Variants in RINL observed in about 807,000 individuals in gnomAD.
RINL encodes the protein ras and Rab interactor-like protein.
Under a neutral mutation model 58.1 loss-of-function variants are expected in RINL, and 39 were observed. The observed-to-expected ratio is 0.67, with a 90% CI of 0.52 to 0.88. The LOEUF (loss-of-function observed/expected upper bound fraction) is 0.88, where lower values mean the gene tolerates loss of function less well. Ranked by LOEUF, RINL falls within the 40% of genes least tolerant of loss-of-function variation. RINL has a pLI of 0.00. For missense variants in RINL, 711 were observed against 749.2 expected, an observed-to-expected ratio of 0.95 and a Z score of 0.60; for synonymous variants, 286 against 323.1, an observed-to-expected ratio of 0.89 and a Z score of 1.23.
chr19:38,870,121 C>A lies in RINL; in HGVS notation c.1164G>T (p.Gly388=). Residue 388 remains glycine (G), a synonymous_variant, in exon 9 of 12, where the codon GGG becomes GGT. Coordinates refer to ENST00000591812, the MANE Select transcript of RINL (RefSeq NM_001195833.2). The surrounding 1 kb of genome is among the most constrained non-coding windows in gnomAD (Gnocchi z 5.8). ...GTCCCGGCCCCTGTGCCCCCGGAGG[C>A]CCCGCCCCCGCCCGCAGGGCTGTCT... is the stretch of plus-strand genomic sequence containing the variant. ...RRQTALRAGA[G]PPGAQGPGPE... 7.0e-7 allele frequency: 1 copy of A among 1,421,756 alleles called. No homozygotes were observed. The highest frequency in any genetic ancestry group is 9.1e-7 in the Non-Finnish European group (1 of 1,098,486). 88.1% of individuals were successfully genotyped at this position (1,421,756 alleles called of 1,614,324 possible).
intron 1 of RINL, 90 bp from the exon 2 acceptor site, chr19:38,876,871 A>G: frequency 1.4e-6 from 1 of 734,530 alleles, no homozygotes. Flanking sequence ...GACCCTGACC[A>G]ATCAGAATGG....
intron 6 of RINL, 98 bp downstream of exon 6, chr19:38,871,549 C>T (rs1351922777): frequency 2.6e-6 from 3 of 1,167,702 alleles, no homozygotes; most frequent in South Asian, 1.4e-5. Flanking sequence ...CTATATTCTC[C>T]TCAAACCCAG....
rs1972784958 is a variant in RINL, at chr19:38,870,606, T to G, written c.988A>C (p.Arg330=). 6.2e-7 allele frequency: 1 copy of G among 1,602,502 alleles called. No homozygotes were observed. Among genetic ancestry groups the G allele is most frequent in the Non-Finnish European group, 8.5e-7 (1 of 1,173,740 alleles). Residue 330 remains arginine, a synonymous_variant, in exon 8 of 12, where the codon AGG becomes CGG. Coordinates refer to ENST00000591812, the MANE Select transcript of RINL (RefSeq NM_001195833.2). This position sits in a 1 kb window ranked among gnomAD's most constrained non-coding sequence, Gnocchi z 5.8. ...TCCTTCTTGGGGAGCCCAGGACCCC[T>G]GCTTCCAAAGACAGCCCTGATGTAG... ...DSYIRAVFGS[R]GPGLPKKDED...
rs770691127 is a variant in RINL, at chr19:38,871,672, A to G, written c.426T>C (p.Thr142=). The change falls in exon 6 of 12, where the codon ACT becomes ACC. Residue 142 remains threonine, a synonymous_variant. Coordinates refer to ENST00000591812, the MANE Select transcript of RINL (RefSeq NM_001195833.2). The part of the protein sequence containing the change: ...LPRTLLLPPP[T]LGPRDEHTDP... ...CTGTGTGTTCATCTCTGGGCCCTAG[A>G]GTGGGAGGGGGCAAGAGCAGGGTTC... 2 of 1,614,030 alleles carry G rather than the reference A, an allele frequency of 1.2e-6. No homozygotes were observed. The highest frequency in any genetic ancestry group is 1.1e-5 in the South Asian group (1 of 91,074).
At position 38,869,043 on chromosome 19, in the gene RINL, C is replaced by T; in HGVS notation, c.*61G>A. The T allele has an allele frequency of 1.4e-6, 2 of 1,461,302 alleles. No individual in the cohort carries two copies. 90.5% of individuals were successfully genotyped at this position (1,461,302 alleles called of 1,614,324 possible). On this transcript the variant is annotated 3_prime_UTR_variant, in exon 12 of 12. Transcript: ENST00000591812. The surrounding 1 kb of genome is among the most constrained non-coding windows in gnomAD (Gnocchi z 5.7). Reference sequence around the variant, plus strand: ...CTCAAACTCCTGGGCTCAAGCAATCCTCCCACCTTGGCCTCCCAAAATGTT... The same window carrying T: ...CTCAAACTCCTGGGCTCAAGCAATCTTCCCACCTTGGCCTCCCAAAATGTT...
In RINL at chr19:38,876,473, A is replaced by G; in HGVS notation, c.68T>C (p.Val23Ala). The G allele has an allele frequency of 2.0e-6, 3 of 1,535,894 alleles. No individual in the cohort carries two copies. The highest frequency in any genetic ancestry group is 2.6e-6 in the Non-Finnish European group (3 of 1,146,792). Residue 23 changes from valine (V) to alanine (A), a missense_variant, in exon 3 of 12, where the codon GTG (valine) becomes GCG (alanine). Val to Ala is a moderately conservative substitution (Grantham distance 64). Coordinates refer to ENST00000591812, the MANE Select transcript of RINL (RefSeq NM_001195833.2). ...TAGAGGGGTCCTGTCTGCTTTGTTC[A>G]CCTGTGGTGGGACCAGCCTGGGATG... Reference protein sequence around the residue: ...TEGVRLVPPQVNKADRTPLGV... With the variant: ...TEGVRLVPPQANKADRTPLGV...
In RINL at chr19:38,870,180, G is replaced by C; in HGVS notation, c.1105C>G (p.Arg369Gly). 1.4e-6 allele frequency: 2 copies of C among 1,394,664 alleles called. No individual in the cohort carries two copies. The highest frequency in any genetic ancestry group is 1.5e-5 in the African/African-American group (1 of 65,746). 86.4% of individuals were successfully genotyped at this position (1,394,664 alleles called of 1,614,324 possible). A position where few individuals can be genotyped will look rare whatever the true frequency, so the allele number is the denominator to read the frequency against. ...CGCAGCCGCCGCAGCTCCGGTGCTC[G>C]GAGTGTGCGGAGTCGTGTCCACAGG... ...PALWTRLRTL[R>G]APELRRLRRR... Residue 369 changes from arginine (R) to glycine (G), a missense_variant, in exon 9 of 12, where the codon CGA becomes GGA. Physicochemically the swap from Arg to Gly is moderately radical, Grantham distance 125. Transcript: ENST00000591812. This position sits in a 1 kb window ranked among gnomAD's most constrained non-coding sequence, Gnocchi z 5.8.
chr19:38,870,399 A>G lies in RINL; in HGVS notation c.1025-139T>C. On this transcript the variant is annotated intron_variant, in intron 8 of 11. Coordinates refer to ENST00000591812, the MANE Select transcript of RINL (RefSeq NM_001195833.2). This position sits in a 1 kb window ranked among gnomAD's most constrained non-coding sequence, Gnocchi z 5.8. ...CGTGAGTGTAGACATGGTTGTGAAC[A>G]TGTGTGGAAGAGTTAGCCTGGGTGT... is the stretch of plus-strand genomic sequence containing the variant. The G allele has an allele frequency of 2.0e-6, 2 of 1,024,652 alleles. No homozygotes were observed. The highest frequency in any genetic ancestry group is 2.7e-6 in the Non-Finnish European group (2 of 731,322). 63.5% of individuals were successfully genotyped at this position (1,024,652 alleles called of 1,614,324 possible). A position where few individuals can be genotyped will look rare whatever the true frequency, so the allele number is the denominator to read the frequency against.
At chr19:38,873,328 A>G (rs1234270032) in intron 4 of RINL, among the ~76,000 whole-genome samples, 1 of 152,226 alleles carries the variant, frequency 6.6e-6, no homozygotes, top group Non-Finnish European at 1.5e-5. Context: ...TACATCACAC[A>G]GCACCTTATA....
chr19:38,869,607 C>T lies in RINL; in HGVS notation c.1440G>A (p.Met480Ile). ...GCAGCTCATCTGGATCTAAGAGCTCCATAAGAAACTCTACGTCCAGCTGCG... is the reference window on the plus strand; with the variant it reads ...GCAGCTCATCTGGATCTAAGAGCTCTATAAGAAACTCTACGTCCAGCTGCG... ...GDTQLDVEFLMELLDPDELRG... is the reference protein window; with the variant it reads ...GDTQLDVEFLIELLDPDELRG... Residue 480 changes from methionine (M) to isoleucine (I), a missense_variant, in exon 10 of 12, where the codon ATG (methionine) becomes ATA (isoleucine). Physicochemically the swap from Met to Ile is conservative, Grantham distance 10. Coordinates refer to ENST00000591812, the MANE Select transcript of RINL (RefSeq NM_001195833.2). This position sits in a 1 kb window ranked among gnomAD's most constrained non-coding sequence, Gnocchi z 5.7. 2 of 1,613,912 alleles carry T rather than the reference C, an allele frequency of 1.2e-6. No individual in the cohort carries two copies. Among genetic ancestry groups the T allele is most frequent in the Non-Finnish European group, 1.7e-6 (2 of 1,180,004 alleles).
In RINL at chr19:38,870,118, A is replaced by G. The variant is rs969398307; in HGVS notation, c.1167T>C (p.Pro389=). The change falls in exon 9 of 12, where the codon CCT becomes CCC. Residue 389 remains proline (P), a synonymous_variant. Coordinates refer to ENST00000591812, the MANE Select transcript of RINL (RefSeq NM_001195833.2). The surrounding 1 kb of genome is among the most constrained non-coding windows in gnomAD (Gnocchi z 5.8). Reference sequence around the variant, plus strand: ...CCGGTCCCGGCCCCTGTGCCCCCGGAGGCCCCGCCCCCGCCCGCAGGGCTG... The same window carrying G: ...CCGGTCCCGGCCCCTGTGCCCCCGGGGGCCCCGCCCCCGCCCGCAGGGCTG... ...RQTALRAGAG[P]PGAQGPGPEG... 10 of 1,428,894 alleles carry G rather than the reference A, an allele frequency of 7.0e-6. No homozygotes were observed. Among genetic ancestry groups the G allele is most frequent in the Non-Finnish European group, 9.1e-6 (10 of 1,101,852 alleles). The allele number at this position is 1,428,894 out of a possible 1,614,324, so 88.5% of individuals were successfully genotyped here.
chr19:38,871,912 G>A lies in RINL; in HGVS notation c.314-42C>T, dbSNP rs778309954. On this transcript the variant is annotated intron_variant, in intron 4 of 11. Coordinates refer to ENST00000591812, the MANE Select transcript of RINL (RefSeq NM_001195833.2). ...AAGAAGGAGAAAGTAAACTTGAGTG[G>A]TGGCAGTTTTCTGTCCCCTGGGATG... 7 of 1,518,416 alleles carry A rather than the reference G, an allele frequency of 4.6e-6. No individual in the cohort carries two copies. The African/African-American group carries it at 5.5e-5, about 12-fold the overall frequency. 94.1% of individuals were successfully genotyped at this position (1,518,416 alleles called of 1,614,324 possible).
chr19:38,870,734 G>A lies in RINL; in HGVS notation c.860C>T (p.Ser287Leu). 1 of 1,613,492 alleles carries A rather than the reference G, an allele frequency of 6.2e-7. No homozygotes were observed. Among genetic ancestry groups the A allele is most frequent in the Non-Finnish European group, 8.5e-7 (1 of 1,179,968 alleles). ...AGACCCGTGGGGACCCCCAGAATCTGAGGCGATGCGCACCCGAAGGCTTCG... is the reference window on the plus strand; with the variant it reads ...AGACCCGTGGGGACCCCCAGAATCTAAGGCGATGCGCACCCGAAGGCTTCG... The part of the protein sequence containing the change: ...QYRSLRVRIA[S>L]DSGGPHGSGD... The change falls in exon 8 of 12, where the codon TCA (serine) becomes TTA (leucine). Residue 287 changes from serine to leucine, a missense_variant. Ser to Leu is a moderately radical substitution (Grantham distance 145). Transcript: ENST00000591812. The surrounding 1 kb of genome is among the most constrained non-coding windows in gnomAD (Gnocchi z 5.8).
At position 38,876,479 on chromosome 19, in the gene RINL, G is replaced by T. The variant is rs1303137016; in HGVS notation, c.62C>A (p.Pro21Gln). 18 of 1,535,938 alleles carry T rather than the reference G, an allele frequency of 1.2e-5. No individual in the cohort carries two copies. The highest frequency in any genetic ancestry group is 1.4e-5 in the Non-Finnish European group (16 of 1,146,842). Residue 21 changes from proline (P) to glutamine (Q), a missense_variant, in exon 3 of 12, where the codon CCA becomes CAA. Transcript: ENST00000591812. ...VPTEGVRLVP[P>Q]QVNKADRTPL... ...GGTCCTGTCTGCTTTGTTCACCTGT[G>T]GTGGGACCAGCCTGGGATGGACAGT...
intron 6 of RINL, 110 bp from the exon 7 acceptor site, chr19:38,871,337 G>C: frequency 8.0e-7 from 1 of 1,249,164 alleles, no homozygotes; most frequent in Non-Finnish European, 1.1e-6. Context: ...AGGTGCTGAG[G>C]CTTAGCTCCT....
In RINL at chr19:38,868,300, T is replaced by TAA. The variant is rs889700194; in HGVS notation, c.*802_*803dup. On this transcript the variant is annotated 3_prime_UTR_variant, in exon 12 of 12. Coordinates refer to ENST00000591812, the MANE Select transcript of RINL (RefSeq NM_001195833.2). ...TAGTTACTATGAACAATGAAATACA[T>TAA]AAATATATGGTTTGTTAGCATGTGA... 2 of 152,060 alleles carry TAA rather than the reference T, an allele frequency of 1.3e-5. No individual in the cohort carries two copies. Among genetic ancestry groups the TAA allele is most frequent in the African/African-American group, 4.8e-5 (2 of 41,402 alleles). 9.4% of individuals were successfully genotyped at this position (152,060 alleles called of 1,614,324 possible).
At chr19:38,875,858 T>A (rs571834825) in intron 3 of RINL, among the ~76,000 whole-genome samples, 26 of 152,152 alleles carry the variant, frequency 1.7e-4, no homozygotes, top group Non-Finnish European at 3.1e-4. Context: ...ACTGCACTGC[T>A]GATCTAAAGC....
At position 38,869,633 on chromosome 19, in the gene RINL, T is replaced by C. The variant is rs771961902; in HGVS notation, c.1414A>G (p.Thr472Ala). 1 of 1,613,896 alleles carries C rather than the reference T, an allele frequency of 6.2e-7. No individual in the cohort carries two copies. ...ATAAGAAACTCTACGTCCAGCTGCG[T>C]GTCCCCAATGTCCGGGCTCCAGATG... ...ELIWSPDIGD[T>A]QLDVEFLMEL... is the part of the protein sequence containing the mutation. The change falls in exon 10 of 12, where the codon ACG (threonine) becomes GCG (alanine). Residue 472 changes from threonine (T) to alanine (A), a missense_variant. By Grantham distance (58) the Thr-to-Ala change is moderately conservative. Transcript: ENST00000591812. The surrounding 1 kb of genome is among the most constrained non-coding windows in gnomAD (Gnocchi z 5.7).
Position 38,870,087 on chromosome 19 carries a change from G to T in RINL, c.1198C>A (p.Gln400Lys), listed in dbSNP as rs779874200. Residue 400 changes from glutamine to lysine, a missense_variant, in exon 9 of 12, where the codon CAG becomes AAG. By Grantham distance (53) the Gln-to-Lys change is moderately conservative. Coordinates refer to ENST00000591812, the MANE Select transcript of RINL (RefSeq NM_001195833.2). This position sits in a 1 kb window ranked among gnomAD's most constrained non-coding sequence, Gnocchi z 5.8. Reference protein sequence around the residue: ...PGAQGPGPEGQSPAPALRSRI... With the variant: ...PGAQGPGPEGKSPAPALRSRI... ...CTCCGCAAGGCGGGGGCGGGGCTCTGCCCTTCCGGTCCCGGCCCCTGTGCC... is the reference window on the plus strand; with the variant it reads ...CTCCGCAAGGCGGGGGCGGGGCTCTTCCCTTCCGGTCCCGGCCCCTGTGCC... 1.3e-6 allele frequency: 2 copies of T among 1,500,676 alleles called. No homozygotes were observed. The highest frequency in any genetic ancestry group is 1.8e-6 in the Non-Finnish European group (2 of 1,131,240). 93.0% of individuals were successfully genotyped at this position (1,500,676 alleles called of 1,614,324 possible). A position where few individuals can be genotyped will look rare whatever the true frequency, so the allele number is the denominator to read the frequency against.
Sources: allele counts gnomAD v4.1 joint callset (sites outside exome capture counted in the v4.1 genomes callset), GRCh38; gene constraint gnomAD v4.1.1; non-coding constraint Gnocchi (gnomAD v3.1); transcripts MANE v1.5; gene names NCBI Gene and HGNC (gene_info 2026-07-23, HGNC 2026-07-21).